The following ACACA variants were observed in gnomAD, a reference collection of about 807,000 sequenced individuals.
The protein encoded by ACACA is acetyl-CoA carboxylase 1.
Under a neutral mutation model 296.1 loss-of-function variants are expected in ACACA, and 103 were observed. The observed-to-expected ratio is 0.35, with a 90% CI of 0.30 to 0.41. The LOEUF is 0.41. Ranked by LOEUF, ACACA falls within the 10% of genes least tolerant of loss-of-function variation. The pLI is 1.00. For missense variants in ACACA, 1,554 were observed against 2,989.7 expected (o/e 0.52, Z 11.20); for synonymous variants, 953 against 1,038.6 (o/e 0.92, Z 1.58).
intron 38 of ACACA, among the ~76,000 whole-genome samples, chr17:37,189,432 T>A (rs567626619): frequency 6.6e-4 from 100 of 152,214 alleles, no homozygotes; most frequent in Non-Finnish European, 1.3e-3. Context: ...AAATTTTAAG[T>A]TAGAATGAAT....
At chr17:37,274,339 T>C (rs113135333) in intron 8 of ACACA, 40 bp from the exon 9 acceptor site, 4 of 1,524,940 alleles carry the variant, frequency 2.6e-6, no homozygotes, top group Non-Finnish European at 2.7e-6. Flanking sequence ...TTACAAGATC[T>C]TCTGCTCTTG....
intron 1 of ACACA, among the ~76,000 whole-genome samples, chr17:37,348,906 G>A (rs946888310): frequency 3.4e-5 from 5 of 145,338 alleles, no homozygotes; most frequent in Non-Finnish European, 6.0e-5. Flanking sequence ...CCGAGATCGC[G>A]CCACTGCACT....
At chr17:37,121,562 G>T in intron 49 of ACACA, 72 bp from the exon 50 acceptor site, 1 of 1,584,708 alleles carries the variant, frequency 6.3e-7, no homozygotes. Context: ...AGGTGAACAA[G>T]ATTTTACTTA....
chr17:37,264,802 T>C (rs930780967), intron 10 of ACACA, among the ~76,000 whole-genome samples: 2 of 152,232 alleles, frequency 1.3e-5, no homozygotes, highest in African/African-American at 4.8e-5. Context: ...TTTTGCTCTG[T>C]TTTGCCATGT....
chr17:37,327,334 AC>A (rs2047668044), intron 3 of ACACA, among the ~76,000 whole-genome samples: 2 of 152,220 alleles, frequency 1.3e-5, no homozygotes, highest in Non-Finnish European at 2.9e-5. Context: ...CCCAAAGGTC[AC>A]CATATCCAGA....
At chr17:37,388,620 C>T in intron 1 of ACACA, 2 of 1,574,584 alleles carry the variant, frequency 1.3e-6, no homozygotes, top group Non-Finnish European at 1.7e-6. Flanking sequence ...CAATCTCTTT[C>T]CTCTCTCAAA....
chr17:37,096,907 G>T, intron 54 of ACACA, 89 bp downstream of exon 54: 1 of 1,466,418 alleles, frequency 6.8e-7, no homozygotes, highest in Non-Finnish European at 9.6e-7. Flanking sequence ...GCCCTTAGAG[G>T]CCTGTGGACT....
intron 8 of ACACA, among the ~76,000 whole-genome samples, chr17:37,275,442 G>A (rs1205812020): frequency 7.5e-6 from 1 of 133,556 alleles, no homozygotes; most frequent in African/African-American, 3.0e-5. Context: ...GATGCAGTAA[G>A]CCAAGATCAT....
At position 37,263,697 on chromosome 17, in the gene ACACA, T is replaced by G. The variant is rs754387256; in HGVS notation, c.1317A>C (p.Glu439Asp). 1 of 1,614,010 alleles carries G rather than the reference T, an allele frequency of 6.2e-7. No individual in the cohort carries two copies. ...TTAATATATGTACCTGTTCCATGTG[T>G]TCAAATACTGCTGGAGTAGCAATAG... ...PATIATPAVFEHMEQCAVKLA... is the reference protein window; with the variant it reads ...PATIATPAVFDHMEQCAVKLA... The change falls in exon 11 of 56, where the codon GAA becomes GAC. Residue 439 changes from glutamate (E) to aspartate (D), a missense_variant. By Grantham distance (45) the Glu-to-Asp change is conservative (BLOSUM62 2). This residue lies in a region of ACACA where 82 missense variants were observed against 185.2 expected (regional missense o/e 0.44). Transcript: ENST00000616317.
chr17:37,378,272 G>C (rs1030080688), intron 1 of ACACA, among the ~76,000 whole-genome samples: 55 of 152,326 alleles, frequency 3.6e-4, no homozygotes, highest in African/African-American at 1.3e-3. Context: ...CAACCTTCAT[G>C]GGAACCATGG....
chr17:37,222,752 C>T (rs530983033), intron 28 of ACACA, among the ~76,000 whole-genome samples: 41 of 152,280 alleles, frequency 2.7e-4, no homozygotes, highest in African/African-American at 9.4e-4. Flanking sequence ...AACAGACTAC[C>T]GTGATGTTAC....
At chr17:37,289,471 C>T in intron 3 of ACACA, 1 of 1,351,976 alleles carries the variant, frequency 7.4e-7, no homozygotes, top group Non-Finnish European at 9.8e-7. Context: ...TTCATCTGTC[C>T]TCATTATCTT....
At chr17:37,388,836 A>G (rs1597781993) in intron 1 of ACACA, 1 of 1,606,954 alleles carries the variant, frequency 6.2e-7, no homozygotes, top group African/African-American at 1.3e-5. Context: ...TTGACCCATA[A>G]AGACTTTCTT....
At position 37,258,379 on chromosome 17, in the gene ACACA, A is replaced by T. The variant is rs1485682567; in HGVS notation, c.1501-6T>A. 36 of 1,613,768 alleles carry T rather than the reference A, an allele frequency of 2.2e-5. No individual in the cohort carries two copies. The highest frequency in any genetic ancestry group is 3.0e-5 in the Non-Finnish European group (35 of 1,179,780). On this transcript the variant is annotated splice_polypyrimidine_tract_variant and splice_region_variant and intron_variant, in intron 12 of 55. Transcript: ENST00000616317. ...AGAGGAATCCCCATGGCAATCTGAA[A>T]GGTAATAAAACACACATCTTTAATT...
intron 1 of ACACA, among the ~76,000 whole-genome samples, chr17:37,365,222 A>G (rs1322351040): frequency 6.6e-6 from 1 of 152,036 alleles, no homozygotes; most frequent in Non-Finnish European, 1.5e-5. Flanking sequence ...GCCTCCCAAA[A>G]TGCTGGGATT....
chr17:37,181,680 A>G (rs1221337802), intron 39 of ACACA, among the ~76,000 whole-genome samples: 1 of 151,960 alleles, frequency 6.6e-6, no homozygotes, highest in Non-Finnish European at 1.5e-5. Context: ...CGGGAGGATC[A>G]TGAGGTCAGG....
At chr17:37,223,265 A>G (rs574173172) in intron 28 of ACACA, among the ~76,000 whole-genome samples, 1 of 152,376 alleles carries the variant, frequency 6.6e-6, no homozygotes, top group South Asian at 2.1e-4. Context: ...TGGAAAATAG[A>G]AACTACTGAA....
At chr17:37,165,415 T>G (rs2076627060) in intron 41 of ACACA, among the ~76,000 whole-genome samples, 1 of 152,174 alleles carries the variant, frequency 6.6e-6, no homozygotes, top group Admixed American at 6.5e-5. Flanking sequence ...TTATTTAATT[T>G]TACTGAGCTT....
chr17:37,086,798 C>G lies in ACACA; in HGVS notation c.*518G>C, dbSNP rs980801798. 5.4e-6 allele frequency: 1 copy of G among 186,318 alleles called. No homozygotes were observed. The highest frequency in any genetic ancestry group is 2.3e-5 in the African/African-American group (1 of 42,892). 11.5% of individuals were successfully genotyped at this position (186,318 alleles called of 1,614,324 possible). On this transcript the variant is annotated 3_prime_UTR_variant, in exon 56 of 56. Coordinates refer to ENST00000616317, the MANE Select transcript of ACACA (RefSeq NM_198834.3). ...TGTGGTTAAACTGGGAATCATTCCTCTCCAGTGCCTACTGTGTGCTGGGCT... is the reference window on the plus strand; with the variant it reads ...TGTGGTTAAACTGGGAATCATTCCTGTCCAGTGCCTACTGTGTGCTGGGCT...
Sources: allele counts gnomAD v4.1 joint callset (sites outside exome capture counted in the v4.1 genomes callset), GRCh38; gene constraint gnomAD v4.1.1; regional missense constraint gnomAD v4.1.1; transcripts MANE v1.5; gene names NCBI Gene and HGNC (gene_info 2026-07-23, HGNC 2026-07-21).